Variants in SH3D19 observed in about 807,000 individuals in gnomAD.
SH3D19 encodes the protein SH3 domain-containing protein 19.
A neutral mutation model predicts 112.1 loss-of-function variants in SH3D19; 58 were observed. The ratio of observed to expected loss-of-function variants is 0.52; its 90% CI spans 0.42 to 0.64. The LOEUF is 0.64. Among genes scored for constraint, SH3D19 ranks in the 30% least tolerant of loss-of-function variants. SH3D19 has a pLI of 0.00. For missense variants in SH3D19, 1,090 were observed against 1,263.4 expected (o/e 0.86, Z 2.08); for synonymous variants, 391 against 448.5 (o/e 0.87, Z 1.62).
At chr4:151,217,701 T>C (rs966784224) in intron 2 of SH3D19, among the ~76,000 whole-genome samples, 1 of 152,140 alleles carries the variant, frequency 6.6e-6, no homozygotes, top group African/African-American at 2.4e-5. Flanking sequence ...TTCCTACACA[T>C]CTATACACAA....
chr4:151,174,638 A>G, intron 7 of SH3D19, 32 bp downstream of exon 7: 1 of 1,491,056 alleles, frequency 6.7e-7, no homozygotes, highest in Non-Finnish European at 8.9e-7. Context: ...TCATGAGTTT[A>G]GATTCCCCTC....
At chr4:151,166,604 T>G (rs1167298805) in intron 7 of SH3D19, among the ~76,000 whole-genome samples, 2 of 152,218 alleles carry the variant, frequency 1.3e-5, no homozygotes, top group Non-Finnish European at 2.9e-5. Flanking sequence ...AGACTGTCTT[T>G]GCTTTTATTT....
At chr4:151,258,825 C>A (rs562248757) in intron 1 of SH3D19, among the ~76,000 whole-genome samples, 2 of 152,152 alleles carry the variant, frequency 1.3e-5, no homozygotes, top group Non-Finnish European at 1.5e-5. Context: ...TCCCCACTGG[C>A]CTCTCCCTGG....
intron 14 of SH3D19, among the ~76,000 whole-genome samples, chr4:151,137,313 T>C (rs1246385194): frequency 6.6e-6 from 1 of 152,106 alleles, no homozygotes; most frequent in Non-Finnish European, 1.5e-5. Flanking sequence ...ATGGAAAAGA[T>C]GAAAGAAACT....
intron 1 of SH3D19, among the ~76,000 whole-genome samples, chr4:151,249,398 A>G (rs1342725978): frequency 6.6e-6 from 1 of 152,224 alleles, no homozygotes; most frequent in African/African-American, 2.4e-5. Context: ...GAGATCATAA[A>G]TAAAATATTC....
intron 1 of SH3D19, among the ~76,000 whole-genome samples, chr4:151,255,651 G>A (rs1443163266): frequency 2.0e-5 from 3 of 152,092 alleles, no homozygotes; most frequent in Non-Finnish European, 4.4e-5. Flanking sequence ...CTGCAATCTC[G>A]GCACTTTGGG....
rs575020531 is a variant in SH3D19, at chr4:151,276,747, A to G, written c.112+48494T>C. Among the ~76,000 whole-genome samples the G allele has an allele frequency of 7.9e-5, 12 of 152,320 alleles. No homozygotes were observed. The South Asian group carries it at 2.1e-3, about 26-fold the overall frequency. On this transcript the variant is annotated intron_variant, in intron 1 of 19. Coordinates refer to ENST00000604030, the MANE Select transcript of SH3D19 (RefSeq NM_001378122.1). ...CAGTGCAGCTAACACTGTAACAGAA[A>G]TGAAAACAAACAAACAAAAAAACTC...
rs1751077072 is a variant in SH3D19, at chr4:151,133,105, C to T, written c.2618G>A (p.Arg873Lys). 1 of 1,614,002 alleles carries T rather than the reference C, an allele frequency of 6.2e-7. No individual in the cohort carries two copies. Among genetic ancestry groups the T allele is most frequent in the Admixed American group, 1.7e-5 (1 of 60,012 alleles). Reference sequence around the variant, plus strand: ...AAAGTTCAGGGGGAAAATCCCAGTTCTGCCTCGAACTTCTCCTCTGGCCCA... The same window carrying T: ...AAAGTTCAGGGGGAAAATCCCAGTTTTGCCTCGAACTTCTCCTCTGGCCCA... ...EEWARGEVRG[R>K]TGIFPLNFVE... The change falls in exon 16 of 20, where the codon AGA becomes AAA. Residue 873 changes from arginine to lysine, a missense_variant. Coordinates refer to ENST00000604030, the MANE Select transcript of SH3D19 (RefSeq NM_001378122.1).
intron 15 of SH3D19, among the ~76,000 whole-genome samples, chr4:151,134,451 T>C (rs1561204323): frequency 6.6e-6 from 1 of 152,220 alleles, no homozygotes; most frequent in Admixed American, 6.5e-5. Context: ...TTCACTTTCT[T>C]CTAGTTCCTC....
At chr4:151,223,113 T>C (rs1390717016) in intron 2 of SH3D19, among the ~76,000 whole-genome samples, 1 of 149,830 alleles carries the variant, frequency 6.7e-6, no homozygotes, top group African/African-American at 2.4e-5. Flanking sequence ...ACTAGGTCTC[T>C]CCATTGAAAT....
rs56850648 is a variant in SH3D19 at position 151,286,184 on chromosome 4, G to GAAA, written c.112+39054_112+39056dup. On this transcript the variant is annotated intron_variant, in intron 1 of 19. Transcript: ENST00000604030. The stretch of plus-strand genomic sequence containing the variant: ...TGACACAGTGAGACCCTGTCTTAAA[G>GAAA]AAAAAAAAAAAAAAAAAAAACAACT... Among the ~76,000 whole-genome samples, 233 of 86,594 alleles carry GAAA rather than the reference G, an allele frequency of 2.7e-3. 2 individuals are homozygous for GAAA. The highest frequency in any genetic ancestry group is 2.9e-3 in the African/African-American group (61 of 21,320). The allele number at this position is 86,594 out of a possible 152,430, so 56.8% of individuals were successfully genotyped here.
intron 4 of SH3D19, among the ~76,000 whole-genome samples, chr4:151,177,450 G>A (rs977891016): frequency 5.3e-5 from 8 of 152,120 alleles, no homozygotes; most frequent in Non-Finnish European, 1.2e-4. Flanking sequence ...TCAGGTTCAA[G>A]CAATTCTGAC....
At position 151,281,909 on chromosome 4, in the gene SH3D19, CAG is replaced by C. The variant is rs374253757; in HGVS notation, c.112+43330_112+43331del. Among the ~76,000 whole-genome samples the C allele has an allele frequency of 2.2e-3, 331 of 152,032 alleles. 10 individuals carry two copies. The South Asian group carries it at 0.061, about 28-fold the overall frequency. On this transcript the variant is annotated intron_variant, in intron 1 of 19. Transcript: ENST00000604030. ...AAATGAGAGAACCGGAGAGAAAACA[CAG>C]GGCAAAACTCAAGCCACAAGCCTCT...
chr4:151,286,282 A>G (rs964847066), intron 1 of SH3D19, among the ~76,000 whole-genome samples: 38 of 151,372 alleles, frequency 2.5e-4, no homozygotes, highest in Admixed American at 2.4e-3. Flanking sequence ...CAGAAAGACA[A>G]TAGAGAAAAT....
intron 7 of SH3D19, among the ~76,000 whole-genome samples, chr4:151,168,901 A>G (rs1438530068): frequency 6.6e-6 from 1 of 151,894 alleles, no homozygotes; most frequent in African/African-American, 2.4e-5. Context: ...GGGCCAGTAT[A>G]AGACCTACAC....
intron 1 of SH3D19, among the ~76,000 whole-genome samples, chr4:151,241,211 G>A (rs773072242): frequency 4.0e-5 from 6 of 151,882 alleles, no homozygotes; most frequent in Non-Finnish European, 5.9e-5. Flanking sequence ...AGGATTCCTT[G>A]AGCCCAGGAA....
chr4:151,241,538 A>G (rs1306677815), intron 1 of SH3D19, among the ~76,000 whole-genome samples: 3 of 151,926 alleles, frequency 2.0e-5, no homozygotes, highest in Non-Finnish European at 4.4e-5. Flanking sequence ...TGAATACACT[A>G]AAAACCACTT....
intron 2 of SH3D19, among the ~76,000 whole-genome samples, chr4:151,209,006 T>TG (rs941245408): frequency 6.6e-6 from 1 of 152,162 alleles, no homozygotes; most frequent in African/African-American, 2.4e-5. Context: ...CATCTCCTAC[T>TG]GGTCCTGTTT....
chr4:151,157,372 A>G (rs1213620886), intron 9 of SH3D19, among the ~76,000 whole-genome samples: 1 of 152,174 alleles, frequency 6.6e-6, no homozygotes, highest in African/African-American at 2.4e-5. Context: ...AATTCACATC[A>G]AAATGGCAAT....
Sources: allele counts gnomAD v4.1 joint callset (sites outside exome capture counted in the v4.1 genomes callset), GRCh38; gene constraint gnomAD v4.1.1; transcripts MANE v1.5; gene names NCBI Gene and HGNC (gene_info 2026-07-23, HGNC 2026-07-21).